The following DGKB variants were observed in gnomAD, a reference collection of about 807,000 sequenced individuals.
DGKB encodes diacylglycerol kinase beta, also known as 90 kDa diacylglycerol kinase.
DGKB carries 67 observed loss-of-function variants against 114.3 expected under a neutral mutation model. The ratio of observed to expected loss-of-function variants is 0.59; its 90% confidence interval spans 0.48 to 0.72. The LOEUF (loss-of-function observed/expected upper bound fraction) is 0.72. DGKB is among the 30% of genes least tolerant of loss of function. The pLI, the probability that DGKB is intolerant of heterozygous loss-of-function variation, is 0.00. For synonymous variants in DGKB, 398 were observed against 323.1 expected, an observed-to-expected ratio of 1.23 and a Z score of -2.49; for missense variants, 907 against 975.2, an observed-to-expected ratio of 0.93 and a Z score of 0.93.
At chr7:14,694,610 G>A (rs1823486239) in intron 8 of DGKB, among the ~76,000 whole-genome samples, 1 of 152,204 alleles carries the variant, frequency 6.6e-6, no homozygotes, top group African/African-American at 2.4e-5. Context: ...AAGGAATTTA[G>A]TTGCTTTTAA....
At chr7:14,337,914 A>AGTCT (rs1810966482) in intron 23 of DGKB, among the ~76,000 whole-genome samples, 2 of 152,158 alleles carry the variant, frequency 1.3e-5, no homozygotes, top group Non-Finnish European at 2.9e-5. Flanking sequence ...TAGAGTTGAA[A>AGTCT]ATTCTGACCC....
At chr7:14,192,125 T>G (rs1784401129) in intron 23 of DGKB, 1 of 341,142 alleles carries the variant, frequency 2.9e-6, no homozygotes, top group Admixed American at 3.5e-5. Flanking sequence ...CCAGAGTTGG[T>G]GAGGAAGAAA....
intron 10 of DGKB, among the ~76,000 whole-genome samples, chr7:14,684,217 C>T (rs536944750): frequency 1.3e-5 from 2 of 151,988 alleles, no homozygotes; most frequent in Non-Finnish European, 2.9e-5. Context: ...AGTAACACAG[C>T]TGAGAGAAAG....
At chr7:14,321,865 T>C (rs1807886632) in intron 23 of DGKB, among the ~76,000 whole-genome samples, 2 of 152,080 alleles carry the variant, frequency 1.3e-5, no homozygotes, top group Non-Finnish European at 2.9e-5. Context: ...TTATAAACCA[T>C]TATAAGAAAC....
At chr7:14,296,984 C>A (rs984685284) in intron 23 of DGKB, among the ~76,000 whole-genome samples, 3 of 152,084 alleles carry the variant, frequency 2.0e-5, no homozygotes, top group Non-Finnish European at 4.4e-5. Flanking sequence ...TGGACACATA[C>A]ACCCTCCCAA....
At chr7:14,628,287 A>G (rs1809007450) in intron 14 of DGKB, among the ~76,000 whole-genome samples, 1 of 144,166 alleles carries the variant, frequency 6.9e-6, no homozygotes, top group Non-Finnish European at 1.6e-5. Flanking sequence ...AAGCTTTAGA[A>G]AGACAAAATA....
At chr7:14,313,924 G>C (rs558501375) in intron 23 of DGKB, among the ~76,000 whole-genome samples, 1 of 152,364 alleles carries the variant, frequency 6.6e-6, no homozygotes, top group South Asian at 2.1e-4. Context: ...CCAGTGCGCA[G>C]CCAGAGATCT....
intron 23 of DGKB, among the ~76,000 whole-genome samples, chr7:14,281,643 G>A (rs1004865161): frequency 2.0e-5 from 3 of 149,920 alleles, no homozygotes; most frequent in African/African-American, 7.4e-5. Context: ...TAAAAGAACA[G>A]AAATTATAAC....
chr7:14,906,586 T>G (rs1310709442), upstream of DGKB, among the ~76,000 whole-genome samples: 2 of 151,498 alleles, frequency 1.3e-5, no homozygotes, highest in Non-Finnish European at 2.9e-5. Context: ...CCCAAATAAC[T>G]GGGATTACAG....
At chr7:14,276,013 T>C (rs1798934814) in intron 23 of DGKB, among the ~76,000 whole-genome samples, 1 of 152,200 alleles carries the variant, frequency 6.6e-6, no homozygotes, top group Non-Finnish European at 1.5e-5. Flanking sequence ...CCTCACATAC[T>C]ATAGTGATAG....
At chr7:14,892,830 T>C (rs773688794) in intron 1 of DGKB, among the ~76,000 whole-genome samples, 1 of 150,472 alleles carries the variant, frequency 6.6e-6, no homozygotes, top group Non-Finnish European at 1.5e-5. Flanking sequence ...GCAGTGTACA[T>C]TCTGGTCAAA....
chr7:14,180,315 A>G (rs528899795), intron 23 of DGKB, among the ~76,000 whole-genome samples: 1 of 152,280 alleles, frequency 6.6e-6, no homozygotes, highest in Admixed American at 6.5e-5. Context: ...TAACTTTTTC[A>G]TGAATCACAG....
intron 20 of DGKB, among the ~76,000 whole-genome samples, chr7:14,571,368 A>G (rs1798356933): frequency 6.6e-6 from 1 of 152,202 alleles, no homozygotes; most frequent in South Asian, 2.1e-4. Context: ...GGCCTAGAAC[A>G]TTGTTTTACA....
chr7:14,327,057 T>C (rs149613865), intron 23 of DGKB, among the ~76,000 whole-genome samples: 139 of 152,294 alleles, frequency 9.1e-4, no homozygotes, highest in African/African-American at 3.2e-3. Flanking sequence ...CTTTTATACC[T>C]ATAGTAATTC....
rs1828627733 is a variant in DGKB, at chr7:14,718,653, G to A, written c.355C>T (p.Pro119Ser). 1 of 1,611,766 alleles carries A rather than the reference G, an allele frequency of 6.2e-7. No individual in the cohort carries two copies. The highest frequency in any genetic ancestry group is 1.7e-5 in the Admixed American group (1 of 59,772). Residue 119 changes from proline (P) to serine (S), a missense_variant, in exon 6 of 26, where the codon CCC (proline) becomes TCC (serine). Transcript: ENST00000402815. ...LRMNKGAITP[P>S]RTTSPANTCS... The stretch of plus-strand genomic sequence containing the variant: ...GTATTTGCAGGAGAAGTAGTCCGGG[G>A]AGGGGTGATGGCACCTTTATTCATT...
At chr7:14,402,626 T>C (rs1395523237) in intron 21 of DGKB, among the ~76,000 whole-genome samples, 1 of 151,922 alleles carries the variant, frequency 6.6e-6, no homozygotes, top group Non-Finnish European at 1.5e-5. Flanking sequence ...AAAGTTATTA[T>C]CTATAGCACT....
rs774515320 is a variant in DGKB, at chr7:14,147,270, T to C, written c.*1861A>G. 6.6e-6 allele frequency: 1 copy of C among 152,170 alleles called. No homozygotes were observed. Among genetic ancestry groups the C allele is most frequent in the Non-Finnish European group, 1.5e-5 (1 of 67,998 alleles). The allele number at this position is 152,170 out of a possible 1,614,324, so 9.4% of individuals were successfully genotyped here. Reference sequence around the variant, plus strand: ...GCGCAAGTGATTGCTGTACTAAATTTGCAATTGTAATCATAATTTTCCTGG... The same window carrying C: ...GCGCAAGTGATTGCTGTACTAAATTCGCAATTGTAATCATAATTTTCCTGG... On this transcript the variant is annotated 3_prime_UTR_variant, in exon 26 of 26. Transcript: ENST00000402815.
At chr7:14,440,823 T>C (rs919783416) in intron 21 of DGKB, among the ~76,000 whole-genome samples, 4 of 152,174 alleles carry the variant, frequency 2.6e-5, no homozygotes, top group South Asian at 2.1e-4. Flanking sequence ...TTTACATCAA[T>C]GTATATACAA....
At chr7:14,723,670 C>T (rs576269677) in intron 5 of DGKB, among the ~76,000 whole-genome samples, 29 of 151,376 alleles carry the variant, frequency 1.9e-4, no homozygotes, top group Non-Finnish European at 2.2e-4. Context: ...GTAATTAGAG[C>T]GTATTAGTCT....
Sources: gnomAD v4.1 joint callset for allele counts (sites outside exome capture counted in the v4.1 genomes callset) on GRCh38, gnomAD v4.1.1 for gene constraint, MANE v1.5 for transcripts, NCBI Gene and HGNC (gene_info 2026-07-23, HGNC 2026-07-21) for gene names.